The following CNTN5 variants were observed in gnomAD, a reference collection of about 807,000 sequenced individuals.
CNTN5 encodes the protein contactin-5.
Under a neutral mutation model 129.1 loss-of-function variants are expected in CNTN5, and 77 were observed. That is an observed-to-expected ratio of 0.60 (90% CI 0.50 to 0.72). CNTN5 has a LOEUF of 0.72. CNTN5 is among the 30% of genes least tolerant of loss of function. CNTN5 has a pLI of 0.00. For synonymous variants in CNTN5, 509 were observed against 465.6 expected (o/e 1.09, Z -1.20); for missense variants, 1,478 against 1,328.8 (o/e 1.11, Z -1.75).
intron 10 of CNTN5, among the ~76,000 whole-genome samples, chr11:100,068,284 C>T (rs1254687744): frequency 2.6e-5 from 4 of 152,058 alleles, no homozygotes; most frequent in Admixed American, 6.6e-5. Flanking sequence ...TAACAAGCTA[C>T]GACATGAATA....
chr11:99,038,559 T>G (rs1403939001), intron 1 of CNTN5, among the ~76,000 whole-genome samples: 1 of 152,086 alleles, frequency 6.6e-6, no homozygotes, highest in Non-Finnish European at 1.5e-5. Context: ...ATCCATTGAC[T>G]CAATGAATTT....
intron 2 of CNTN5, among the ~76,000 whole-genome samples, chr11:99,497,829 A>T (rs1946283975): frequency 6.6e-6 from 1 of 152,192 alleles, no homozygotes; most frequent in African/African-American, 2.4e-5. Context: ...CATCGTTTTC[A>T]CATCAGAAAA....
chr11:99,411,110 T>C (rs540848725), intron 2 of CNTN5, among the ~76,000 whole-genome samples: 2 of 152,262 alleles, frequency 1.3e-5, no homozygotes, highest in African/African-American at 2.4e-5. Flanking sequence ...TCAATAAATC[T>C]ATATTGGTAA....
At chr11:99,090,891 A>G (rs1025609855) in intron 1 of CNTN5, among the ~76,000 whole-genome samples, 3 of 151,792 alleles carry the variant, frequency 2.0e-5, no homozygotes, top group East Asian at 1.9e-4. Context: ...TCGCGGTGGC[A>G]GGCGCCTGTG....
chr11:99,978,061 C>T (rs997744144), intron 8 of CNTN5, among the ~76,000 whole-genome samples: 4 of 152,132 alleles, frequency 2.6e-5, no homozygotes, highest in African/African-American at 9.7e-5. Context: ...ACTGAGAATT[C>T]CAGTCGCCTA....
Position 99,744,318 on chromosome 11 carries a change from C to CACAAACAA in CNTN5, c.56-75210_56-75203dup, listed in dbSNP as rs757820784. 1.0e-3 allele frequency among the ~76,000 whole-genome samples: 151 copies of CACAAACAA among 151,758 alleles called. 6 individuals carry two copies. In the South Asian group the frequency reaches 0.03, roughly 30 times the overall value. On this transcript the variant is annotated intron_variant, in intron 3 of 24. Coordinates refer to ENST00000524871, the MANE Select transcript of CNTN5 (RefSeq NM_014361.4). ...ACAGAGATTGTAAACCTCTGGCCCC[C>CACAAACAA]ACAAACAAACAAACAAACAAACAGA... is the stretch of plus-strand genomic sequence containing the variant.
chr11:99,836,729 C>G (rs1947320243), intron 4 of CNTN5, among the ~76,000 whole-genome samples: 1 of 152,172 alleles, frequency 6.6e-6, no homozygotes. Context: ...CTGTCTTCCA[C>G]AATGGTTGAA....
At chr11:99,863,133 T>C (rs1025776935) in intron 6 of CNTN5, among the ~76,000 whole-genome samples, 2 of 152,098 alleles carry the variant, frequency 1.3e-5, no homozygotes, top group South Asian at 2.1e-4. Context: ...ATAATATCTA[T>C]CCTATTTATG....
intron 3 of CNTN5, among the ~76,000 whole-genome samples, chr11:99,731,171 C>A (rs985895235): frequency 6.6e-6 from 1 of 151,652 alleles, no homozygotes. Context: ...TGCAGTGGCG[C>A]GATCTCGGCT....
intron 1 of CNTN5, among the ~76,000 whole-genome samples, chr11:99,213,478 A>G (rs1859946483): frequency 7.1e-6 from 1 of 140,468 alleles, no homozygotes; most frequent in South Asian, 2.2e-4. Flanking sequence ...GTGTATATAT[A>G]CACACATATA....
intron 2 of CNTN5, among the ~76,000 whole-genome samples, chr11:99,417,570 A>G (rs1378940450): frequency 1.3e-5 from 2 of 151,988 alleles, no homozygotes; most frequent in East Asian, 1.9e-4. Context: ...CATTGTGTTG[A>G]GTTGAAGTGC....
chr11:99,219,709 T>C (rs1480386872), intron 1 of CNTN5, among the ~76,000 whole-genome samples: 3 of 150,430 alleles, frequency 2.0e-5, no homozygotes, highest in Non-Finnish European at 4.4e-5. Context: ...AAAACTGACA[T>C]GGTCTGTCTT....
At chr11:99,506,354 C>T (rs1946618672) in intron 2 of CNTN5, among the ~76,000 whole-genome samples, 1 of 152,196 alleles carries the variant, frequency 6.6e-6, no homozygotes, top group South Asian at 2.1e-4. Context: ...ATCATGTGAG[C>T]ATCTTGCTCT....
chr11:99,472,853 G>C (rs914684556), intron 2 of CNTN5, among the ~76,000 whole-genome samples: 1 of 151,912 alleles, frequency 6.6e-6, no homozygotes, highest in South Asian at 2.1e-4. Flanking sequence ...CAAACATTTT[G>C]GTTCAAGTTC....
intron 15 of CNTN5, among the ~76,000 whole-genome samples, chr11:100,199,061 T>C (rs971246186): frequency 1.3e-5 from 2 of 151,936 alleles, no homozygotes; most frequent in Non-Finnish European, 2.9e-5. Context: ...TGTGTAAAAA[T>C]CAATGGAATG....
intron 2 of CNTN5, among the ~76,000 whole-genome samples, chr11:99,421,992 G>A (rs918177758): frequency 6.6e-6 from 1 of 152,154 alleles, no homozygotes; most frequent in Admixed American, 6.5e-5. Flanking sequence ...CTATTCAGGT[G>A]TGTTCAATCT....
intron 3 of CNTN5, among the ~76,000 whole-genome samples, chr11:99,596,275 C>T (rs114552949): frequency 6.6e-6 from 1 of 152,020 alleles, no homozygotes; most frequent in Non-Finnish European, 1.5e-5. Context: ...GTTTAAGTAA[C>T]CTGGAATCCT....
chr11:99,755,339 C>T (rs1311562624), intron 3 of CNTN5, among the ~76,000 whole-genome samples: 1 of 152,172 alleles, frequency 6.6e-6, no homozygotes, highest in African/African-American at 2.4e-5. Context: ...GCACTCCTGT[C>T]AGCAACGAAT....
chr11:99,355,280 C>T (rs1392372481), intron 2 of CNTN5, among the ~76,000 whole-genome samples: 1 of 151,992 alleles, frequency 6.6e-6, no homozygotes, highest in Non-Finnish European at 1.5e-5. Context: ...TTTTTTGTTT[C>T]AATAGCATAT....
Sources: allele counts gnomAD v4.1 joint callset (sites outside exome capture counted in the v4.1 genomes callset), GRCh38; gene constraint gnomAD v4.1.1; transcripts MANE v1.5; gene names NCBI Gene and HGNC (gene_info 2026-07-23, HGNC 2026-07-21).